Variants in CAST observed in about 807,000 individuals in gnomAD.
CAST encodes MIR583 host.
A neutral mutation model predicts 119.6 loss-of-function variants in CAST; 76 were observed. The ratio of observed to expected loss-of-function variants is 0.64; its 90% CI spans 0.53 to 0.77. CAST has a LOEUF of 0.77. Ranked by LOEUF, CAST falls within the 30% of genes least tolerant of loss-of-function variation. The probability of loss-of-function intolerance (pLI) is 0.00; values close to 1 mark genes in which losing one functional copy is unlikely to be tolerated. For synonymous variants in CAST, 319 were observed against 331.6 expected (o/e 0.96, Z 0.41); for missense variants, 953 against 946.5 (o/e 1.01, Z -0.09).
chr5:96,105,935 G>T, the CAST span, among the ~76,000 whole-genome samples: 41,784 of 152,014 alleles, frequency 0.27, 5,848 homozygotes, highest in East Asian at 0.37. Context: ...TCTATTCAGA[G>T]ATTCAACTTC....
chr5:96,756,475 G>A (rs1304593672), intron 22 of CAST, among the ~76,000 whole-genome samples: 1 of 152,166 alleles, frequency 6.6e-6, no homozygotes, highest in East Asian at 1.9e-4. Context: ...TCAGATTTCA[G>A]ACTTTTCTGG....
chr5:96,244,002 C>A, the CAST span, among the ~76,000 whole-genome samples: 1 of 152,174 alleles, frequency 6.6e-6, no homozygotes, highest in African/African-American at 2.4e-5. Flanking sequence ...GTAAGCAGTA[C>A]ATGAGTGCAC....
the CAST span, among the ~76,000 whole-genome samples, chr5:96,195,548 G>T: frequency 7.2e-5 from 11 of 152,086 alleles, 1 homozygote; most frequent in Admixed American, 4.6e-4. Context: ...AATTTGTCAT[G>T]GCATCAATAT....
chr5:96,465,427 G>A, the CAST span, among the ~76,000 whole-genome samples: 3 of 152,044 alleles, frequency 2.0e-5, no homozygotes, highest in East Asian at 5.8e-4. Flanking sequence ...AGGGCTTCCA[G>A]CACAATGTGA....
At chr5:96,049,998 G>C in the CAST span, 28 of 150,996 alleles carry the variant, frequency 1.9e-4, no homozygotes, top group African/African-American at 6.6e-4. Flanking sequence ...TAAGACAAGA[G>C]AGGAGAAAAT....
the CAST span, among the ~76,000 whole-genome samples, chr5:96,470,149 G>A: frequency 1.3e-5 from 2 of 150,530 alleles, no homozygotes; most frequent in South Asian, 4.2e-4. Context: ...AAATTAACTA[G>A]GTGAAAACGA....
At chr5:96,367,185 GC>G in the CAST span, among the ~76,000 whole-genome samples, 1 of 152,196 alleles carries the variant, frequency 6.6e-6, no homozygotes, top group East Asian at 1.9e-4. Flanking sequence ...TCCTCTGGAA[GC>G]TTCATCTCAG....
intron 1 of CAST, among the ~76,000 whole-genome samples, chr5:96,603,362 ATATCT>A (rs762907236): frequency 9.2e-5 from 14 of 152,276 alleles, no homozygotes; most frequent in African/African-American, 2.2e-4. Context: ...CTTTATAATC[ATATCT>A]TATAAGCTTT....
chr5:96,008,433 C>A, the CAST span, among the ~76,000 whole-genome samples: 63 of 152,112 alleles, frequency 4.1e-4, no homozygotes, highest in Non-Finnish European at 7.6e-4. Flanking sequence ...TGTCAACAAC[C>A]TAGGTGAACA....
chr5:96,680,720 G>C (rs1197513126), intron 2 of CAST, among the ~76,000 whole-genome samples: 6 of 152,124 alleles, frequency 3.9e-5, no homozygotes, highest in Non-Finnish European at 7.4e-5. Flanking sequence ...TCATTATTTT[G>C]TGCTCTGTTT....
intron 22 of CAST, among the ~76,000 whole-genome samples, chr5:96,755,954 G>A (rs1443599032): frequency 1.3e-5 from 2 of 152,150 alleles, no homozygotes; most frequent in African/African-American, 4.8e-5. Context: ...ATAGGTGATT[G>A]GTTGGTGATT....
intron 29 of CAST, 149 bp downstream of exon 29, chr5:96,768,148 A>G: frequency 1.5e-6 from 1 of 666,078 alleles, no homozygotes. Flanking sequence ...CAGTGGTGTG[A>G]TCTCAGCTTA....
At chr5:96,393,951 T>C in the CAST span, among the ~76,000 whole-genome samples, 1 of 152,202 alleles carries the variant, frequency 6.6e-6, no homozygotes. Context: ...AGTGTTTCAA[T>C]ATTCCAACAC....
At chr5:96,037,502 T>A in the CAST span, among the ~76,000 whole-genome samples, 5 of 152,308 alleles carry the variant, frequency 3.3e-5, no homozygotes, top group South Asian at 1.0e-3. Context: ...AACTTTATTA[T>A]GTGAGAAGAA....
chr5:96,628,894 G>T (rs1343503811), intron 1 of CAST, among the ~76,000 whole-genome samples: 1 of 152,162 alleles, frequency 6.6e-6, no homozygotes, highest in Non-Finnish European at 1.5e-5. Flanking sequence ...CAGCCATTTT[G>T]CAGGATGTGT....
chr5:96,742,816 C>T (rs1762981781), intron 16 of CAST, 60 bp downstream of exon 16: 2 of 1,116,746 alleles, frequency 1.8e-6, no homozygotes, highest in East Asian at 2.4e-5. Context: ...AAACCGAATG[C>T]ACTCTGCATG....
At chr5:96,722,896 A>G (rs972305524) in intron 4 of CAST, among the ~76,000 whole-genome samples, 198 bp downstream of exon 4, 1 of 152,304 alleles carries the variant, frequency 6.6e-6, no homozygotes, top group Admixed American at 6.5e-5. Flanking sequence ...CATCATCTAC[A>G]TGGTTTTAGG....
At chr5:96,157,723 A>G in the CAST span, among the ~76,000 whole-genome samples, 2 of 152,232 alleles carry the variant, frequency 1.3e-5, no homozygotes, top group African/African-American at 4.8e-5. Flanking sequence ...CCTTGATTGC[A>G]TTATTTTAAA....
chr5:96,659,820 G>A (rs1053888484), upstream of CAST, among the ~76,000 whole-genome samples: 11 of 152,254 alleles, frequency 7.2e-5, no homozygotes, highest in Non-Finnish European at 1.5e-4. Flanking sequence ...ATGAGCCACC[G>A]CACCATCTAT....
Sources: allele counts gnomAD v4.1 joint callset (sites outside exome capture counted in the v4.1 genomes callset), GRCh38; gene constraint gnomAD v4.1.1; transcripts MANE v1.5; gene names NCBI Gene and HGNC (gene_info 2026-07-23, HGNC 2026-07-21).